The following TOX2 variants were observed in gnomAD, a reference collection of about 807,000 sequenced individuals.
TOX2 encodes TOX high mobility group box family member 2.
Under a neutral mutation model 47.4 loss-of-function variants are expected in TOX2, and 15 were observed. That is an observed-to-expected ratio of 0.32 (90% CI 0.21 to 0.49). The LOEUF (loss-of-function observed/expected upper bound fraction) is 0.49. TOX2 is among the 20% of genes least tolerant of loss of function. The pLI, the probability that TOX2 is intolerant of heterozygous loss-of-function variation, is 0.99. For missense variants in TOX2, 622 were observed against 673.1 expected (o/e 0.92, Z 0.84); for synonymous variants, 290 against 296.6 (o/e 0.98, Z 0.23).
intron 1 of TOX2, among the ~76,000 whole-genome samples, chr20:43,925,062 T>C (rs1340925250): frequency 6.6e-6 from 1 of 152,248 alleles, no homozygotes; most frequent in Admixed American, 6.5e-5. Flanking sequence ...CTATTCTTCT[T>C]TTATGGATAT....
intron 3 of TOX2, among the ~76,000 whole-genome samples, chr20:44,044,343 T>C (rs2145728826): frequency 1.3e-5 from 2 of 151,284 alleles, no homozygotes; most frequent in South Asian, 4.2e-4. Context: ...AGTTAATGGG[T>C]GCAGCACACC....
chr20:44,045,182 G>A (rs544750863), intron 3 of TOX2, among the ~76,000 whole-genome samples: 2 of 152,244 alleles, frequency 1.3e-5, no homozygotes, highest in East Asian at 3.9e-4. Context: ...TTCTGCAGAC[G>A]GCTGCTGGTG....
At chr20:43,945,553 A>G (rs771328308) in intron 1 of TOX2, among the ~76,000 whole-genome samples, 3 of 152,202 alleles carry the variant, frequency 2.0e-5, no homozygotes, top group Non-Finnish European at 4.4e-5. Flanking sequence ...GGTGCTGCCA[A>G]TTTGCCTTCC....
chr20:43,960,660 C>A (rs950804392), intron 1 of TOX2, among the ~76,000 whole-genome samples: 2 of 152,272 alleles, frequency 1.3e-5, no homozygotes, highest in African/African-American at 4.8e-5. Flanking sequence ...TATCCAGACG[C>A]TGAATGGAAT....
intron 4 of TOX2, 104 bp from the exon 5 acceptor site, chr20:44,054,195 T>A: frequency 8.2e-7 from 1 of 1,223,842 alleles, no homozygotes; most frequent in Non-Finnish European, 1.2e-6. Flanking sequence ...TATCTGTGCA[T>A]GAGCAGGGCT....
At chr20:43,919,466 G>A (rs910427827) in intron 1 of TOX2, among the ~76,000 whole-genome samples, 3 of 152,148 alleles carry the variant, frequency 2.0e-5, no homozygotes, top group African/African-American at 7.2e-5. Flanking sequence ...CTAGAATAGT[G>A]TTTCTCAAAT....
At chr20:43,994,459 C>CACAAAAAAA (rs769159573) in intron 2 of TOX2, among the ~76,000 whole-genome samples, 5 of 127,986 alleles carry the variant, frequency 3.9e-5, no homozygotes, top group East Asian at 2.3e-4. Context: ...ACCCTGTCTC[C>CACAAAAAAA]AAAAAAAAAA....
At chr20:43,935,073 C>T (rs2069307429) in intron 1 of TOX2, among the ~76,000 whole-genome samples, 1 of 152,086 alleles carries the variant, frequency 6.6e-6, no homozygotes, top group Non-Finnish European at 1.5e-5. Flanking sequence ...GCAGCCAGCC[C>T]CATTCTGTGC....
At chr20:43,972,695 A>C (rs552201154) in intron 1 of TOX2, among the ~76,000 whole-genome samples, 5 of 152,364 alleles carry the variant, frequency 3.3e-5, no homozygotes, top group Admixed American at 6.5e-5. Context: ...CGGGGGTCCC[A>C]GAGCCCACAT....
chr20:44,053,510 AC>A (rs2071557539), intron 4 of TOX2, among the ~76,000 whole-genome samples: 1 of 145,756 alleles, frequency 6.9e-6, no homozygotes, highest in Non-Finnish European at 1.5e-5. Context: ...ACATATATAT[AC>A]TATATATACA....
intron 1 of TOX2, among the ~76,000 whole-genome samples, chr20:43,954,786 C>T (rs1340335675): frequency 6.6e-6 from 1 of 152,178 alleles, no homozygotes; most frequent in Non-Finnish European, 1.5e-5. Flanking sequence ...TGGGAGGATC[C>T]ACGAGGGTGT....
At chr20:43,958,439 C>G (rs1292704219) in intron 1 of TOX2, among the ~76,000 whole-genome samples, 1 of 152,236 alleles carries the variant, frequency 6.6e-6, no homozygotes, top group Non-Finnish European at 1.5e-5. Flanking sequence ...CCCAACCTGG[C>G]TGCCCAGCCT....
chr20:44,014,325 C>G (rs1239302485), intron 3 of TOX2, among the ~76,000 whole-genome samples: 1 of 152,042 alleles, frequency 6.6e-6, no homozygotes, highest in African/African-American at 2.4e-5. Flanking sequence ...TGGCAAATCC[C>G]AGAGTAAGGG....
chr20:43,945,103 T>C (rs1361564523), intron 1 of TOX2, among the ~76,000 whole-genome samples: 1 of 152,154 alleles, frequency 6.6e-6, no homozygotes, highest in African/African-American at 2.4e-5. Flanking sequence ...GAGGTTCTTA[T>C]TTTTTTGTTT....
At chr20:43,997,109 C>G (rs1243501748) in intron 2 of TOX2, among the ~76,000 whole-genome samples, 1 of 152,242 alleles carries the variant, frequency 6.6e-6, no homozygotes, top group South Asian at 2.1e-4. Context: ...CCTGCTACTC[C>G]CTCAGTGAAT....
intron 3 of TOX2, among the ~76,000 whole-genome samples, chr20:44,033,470 T>C (rs1216782471): frequency 6.6e-6 from 1 of 152,108 alleles, no homozygotes; most frequent in African/African-American, 2.4e-5. Flanking sequence ...CAAAAGGGGC[T>C]TTGCAGATGT....
intron 3 of TOX2, among the ~76,000 whole-genome samples, chr20:44,010,572 A>G (rs1187102485): frequency 6.6e-6 from 1 of 152,236 alleles, no homozygotes; most frequent in Non-Finnish European, 1.5e-5. Flanking sequence ...CTTCAAGACA[A>G]GAGTTTTTAA....
At chr20:43,952,058 G>A (rs533188166) in intron 1 of TOX2, among the ~76,000 whole-genome samples, 10 of 151,372 alleles carry the variant, frequency 6.6e-5, no homozygotes, top group South Asian at 6.3e-4. Flanking sequence ...CACCACACCC[G>A]GCTGATTTTT....
intron 1 of TOX2, among the ~76,000 whole-genome samples, chr20:43,924,675 T>A (rs1233450646): frequency 6.6e-6 from 1 of 152,230 alleles, no homozygotes; most frequent in Non-Finnish European, 1.5e-5. Flanking sequence ...AGCCATAACA[T>A]AGGCTGCTGT....
Sources: allele counts gnomAD v4.1 joint callset (sites outside exome capture counted in the v4.1 genomes callset), GRCh38; gene constraint gnomAD v4.1.1; transcripts MANE v1.5; gene names NCBI Gene and HGNC (gene_info 2026-07-23, HGNC 2026-07-21).